MORN4: variants seen among roughly 807,000 people sequenced by gnomAD.
The protein encoded by MORN4 is MORN repeat-containing protein 4.
In MORN4, 8 loss-of-function variants were observed where a neutral mutation model predicts 16.4. That is an observed-to-expected ratio of 0.49 (90% CI 0.29 to 0.88). The LOEUF (loss-of-function observed/expected upper bound fraction) is 0.88, where lower values mean the gene tolerates loss of function less well. Ranked by LOEUF, MORN4 falls within the 40% of genes least tolerant of loss-of-function variation. MORN4 has a pLI of 0.09. For synonymous variants in MORN4, 53 were observed against 68.9 expected (o/e 0.77, Z 1.14); for missense variants, 159 against 182.9 (o/e 0.87, Z 0.75).
chr10:97,621,576 C>A (rs1204894580), intron 1 of MORN4, among the ~76,000 whole-genome samples: 1 of 152,182 alleles, frequency 6.6e-6, no homozygotes, highest in Non-Finnish European at 1.5e-5. Context: ...CAAGGCAGAT[C>A]CTCCCATTAA....
intron 4 of MORN4, 85 bp from the exon 5 acceptor site, chr10:97,616,496 A>T: frequency 6.8e-7 from 1 of 1,460,486 alleles, no homozygotes. Flanking sequence ...TGATATGTCC[A>T]GGCCAAAGAA....
intron 1 of MORN4, among the ~76,000 whole-genome samples, chr10:97,621,469 A>G (rs895858573): frequency 1.1e-4 from 16 of 152,270 alleles, no homozygotes; most frequent in Admixed American, 6.5e-5. Flanking sequence ...GCAAGTCCAT[A>G]GTCAGAAAAG....
At chr10:97,629,342 C>A (rs527674491) in intron 1 of MORN4, among the ~76,000 whole-genome samples, 1 of 152,122 alleles carries the variant, frequency 6.6e-6, no homozygotes, top group Admixed American at 6.6e-5. Flanking sequence ...GCCAAGATCG[C>A]GCCATTGCAC....
At chr10:97,617,666 C>T (rs1462137203) in intron 2 of MORN4, among the ~76,000 whole-genome samples, 1 of 151,914 alleles carries the variant, frequency 6.6e-6, no homozygotes, top group African/African-American at 2.4e-5. Context: ...TCGAGACCAG[C>T]CTGGCCAACA....
chr10:97,633,808 G>A (rs1219814131), upstream of MORN4, among the ~76,000 whole-genome samples: 1 of 152,236 alleles, frequency 6.6e-6, no homozygotes, highest in African/African-American at 2.4e-5. The surrounding 1 kb of genome is among the most constrained non-coding windows in gnomAD (Gnocchi z 4.5). Flanking sequence ...CTGCTGTCAA[G>A]GGCCCCGCCG....
At chr10:97,633,688 C>T, upstream of MORN4, 1 of 1,224,130 alleles carries the variant, frequency 8.2e-7, no homozygotes, top group Non-Finnish European at 1.0e-6. This position sits in a 1 kb window ranked among gnomAD's most constrained non-coding sequence, Gnocchi z 4.5. Context: ...CCAGATCTGG[C>T]CTACCCAGAG....
chr10:97,616,221 C>T lies in MORN4; in HGVS notation c.*42G>A. 1 of 1,501,702 alleles carries T rather than the reference C, an allele frequency of 6.7e-7. No individual in the cohort carries two copies. The allele number at this position is 1,501,702 out of a possible 1,614,324, so 93.0% of individuals were successfully genotyped here. ...TCACCTCGAATCAACAACAGGGGCA[C>T]TGGCTTTACCCAATACTTATCAGCT... is the stretch of plus-strand genomic sequence containing the variant. On this transcript the variant is annotated 3_prime_UTR_variant, in exon 5 of 5. Transcript: ENST00000307450.
At chr10:97,624,036 G>A (rs547735285) in intron 1 of MORN4, among the ~76,000 whole-genome samples, 3 of 151,742 alleles carry the variant, frequency 2.0e-5, no homozygotes, top group South Asian at 2.1e-4. Flanking sequence ...GTGCCTGGCC[G>A]CAAGATGGGA....
Position 97,633,318 on chromosome 10 carries a change from G to A in MORN4, c.-31+29C>T, listed in dbSNP as rs1391241330. On this transcript the variant is annotated intron_variant, in intron 1 of 4. Transcript: ENST00000307450. This position sits in a 1 kb window ranked among gnomAD's most constrained non-coding sequence, Gnocchi z 4.5. Reference sequence around the variant, plus strand: ...ACCTGACCGATCACACTCTTTCCCGGCCCCCTCCCTCCTGCGCCTCCAGCC... The same window carrying A: ...ACCTGACCGATCACACTCTTTCCCGACCCCCTCCCTCCTGCGCCTCCAGCC... The A allele has an allele frequency of 3.1e-6, 4 of 1,288,342 alleles. No individual in the cohort carries two copies. The highest frequency in any genetic ancestry group is 2.5e-5 in the South Asian group (2 of 80,910). 79.8% of individuals were successfully genotyped at this position (1,288,342 alleles called of 1,614,324 possible).
At position 97,631,955 on chromosome 10, in the gene MORN4, A is replaced by G. The variant is rs543635663; in HGVS notation, c.-31+1392T>C. Among the ~76,000 whole-genome samples, 494 of 152,198 alleles carry G rather than the reference A, an allele frequency of 3.2e-3. 2 individuals are homozygous for G. Among genetic ancestry groups the G allele is most frequent in the Non-Finnish European group, 4.4e-3 (298 of 68,016 alleles). Reference sequence around the variant, plus strand: ...ACCTTGTCTCAAAAAAAAGAAAAGAAAAGCAAAACAAAACAAAAGGTTGGG... The same window carrying G: ...ACCTTGTCTCAAAAAAAAGAAAAGAGAAGCAAAACAAAACAAAAGGTTGGG... On this transcript the variant is annotated intron_variant, in intron 1 of 4. Transcript: ENST00000307450.
chr10:97,631,863 A>G (rs922780768), intron 1 of MORN4, among the ~76,000 whole-genome samples: 2 of 152,146 alleles, frequency 1.3e-5, no homozygotes, highest in South Asian at 2.1e-4. Context: ...TGAGCCCACA[A>G]TTTGAGGCTG....
At chr10:97,622,702 A>AAAAAAAAAC (rs2041311906) in intron 1 of MORN4, among the ~76,000 whole-genome samples, 1 of 151,186 alleles carries the variant, frequency 6.6e-6, no homozygotes, top group African/African-American at 2.4e-5. Flanking sequence ...TCAAAAAAAA[A>AAAAAAAAAC]AAAAAAAACG....
At chr10:97,625,298 A>C (rs6584138) in intron 1 of MORN4, among the ~76,000 whole-genome samples, 92,988 of 151,894 alleles carry the variant, frequency 0.61, 29,629 homozygotes, top group African/African-American at 0.8. Context: ...GAGTTCAAAT[A>C]TGAGTTCACT....
At chr10:97,622,540 C>A (rs1301141800) in intron 1 of MORN4, among the ~76,000 whole-genome samples, 1 of 151,438 alleles carries the variant, frequency 6.6e-6, no homozygotes, top group Admixed American at 6.6e-5. Flanking sequence ...ACAAAAAATC[C>A]AAAAATTAGC....
chr10:97,619,038 G>C (rs1564765313), intron 2 of MORN4, among the ~76,000 whole-genome samples: 4 of 152,148 alleles, frequency 2.6e-5, no homozygotes, highest in Non-Finnish European at 5.9e-5. Flanking sequence ...AGAGAGGCTG[G>C]CATGGGCCGG....
At chr10:97,632,710 T>TTTA (rs1670167183) in intron 1 of MORN4, among the ~76,000 whole-genome samples, 1 of 151,908 alleles carries the variant, frequency 6.6e-6, no homozygotes, top group South Asian at 2.1e-4. Flanking sequence ...AAGATTTTTT[T>TTTA]TTTTTTTTAT....
chr10:97,622,870 T>G (rs995748317), intron 1 of MORN4, among the ~76,000 whole-genome samples: 5 of 146,842 alleles, frequency 3.4e-5, no homozygotes, highest in Admixed American at 3.4e-4. Context: ...TTTATTTATT[T>G]ATTTATTTAT....
chr10:97,617,910 G>A (rs2041250967), intron 2 of MORN4, among the ~76,000 whole-genome samples: 1 of 151,726 alleles, frequency 6.6e-6, no homozygotes, highest in Non-Finnish European at 1.5e-5. Context: ...AGTGACTCAC[G>A]CCTGTAATCC....
In MORN4 at chr10:97,633,482, C is replaced by G. The variant is rs2135745946; in HGVS notation, c.-166G>C. 7.8e-7 allele frequency: 1 copy of G among 1,289,916 alleles called. No individual in the cohort carries two copies. Among genetic ancestry groups the G allele is most frequent in the East Asian group, 5.5e-5 (1 of 18,026 alleles). 79.9% of individuals were successfully genotyped at this position (1,289,916 alleles called of 1,614,324 possible). Reference sequence around the variant, plus strand: ...CAGCGATTGCCCCACTTGACGCCGCCATCCTGGGCGACCGCACTGGGTACA... The same window carrying G: ...CAGCGATTGCCCCACTTGACGCCGCGATCCTGGGCGACCGCACTGGGTACA... On this transcript the variant is annotated 5_prime_UTR_variant, in exon 1 of 5. The change abolishes an upstream ATG in the 5' untranslated region. Transcript: ENST00000307450. The surrounding 1 kb of genome is among the most constrained non-coding windows in gnomAD (Gnocchi z 4.5).
Sources: allele counts gnomAD v4.1 joint callset (sites outside exome capture counted in the v4.1 genomes callset), GRCh38; gene constraint gnomAD v4.1.1; non-coding constraint Gnocchi (gnomAD v3.1); transcripts MANE v1.5; gene names NCBI Gene and HGNC (gene_info 2026-07-23, HGNC 2026-07-21).